SND1: variants seen among roughly 807,000 people sequenced by gnomAD.
SND1 encodes the protein staphylococcal nuclease and tudor domain containing 1.
Under a neutral mutation model 121.7 loss-of-function variants are expected in SND1, and 38 were observed. That is an observed-to-expected ratio of 0.31 (90% CI 0.24 to 0.41). The LOEUF (loss-of-function observed/expected upper bound fraction) is 0.41. SND1 is among the 10% of genes least tolerant of loss of function. The pLI is 1.00. For missense variants in SND1, 868 were observed against 1,184.6 expected (o/e 0.73, Z 3.92); for synonymous variants, 401 against 447.4 (o/e 0.90, Z 1.31).
chr7:128,040,801 C>T (rs1472484174), intron 16 of SND1, among the ~76,000 whole-genome samples: 2 of 152,336 alleles, frequency 1.3e-5, no homozygotes, highest in South Asian at 2.1e-4. Flanking sequence ...GCCACATTGG[C>T]GCTGCCTCCT....
In SND1 at chr7:127,770,971, A is replaced by G. The variant is rs189451650; in HGVS notation, c.1153-36513A>G. Among the ~76,000 whole-genome samples the G allele has an allele frequency of 6.5e-4, 99 of 152,248 alleles. 3 individuals are homozygous for G. In the East Asian group the frequency reaches 0.017, roughly 26 times the overall value. On this transcript the variant is annotated intron_variant, in intron 10 of 23. Coordinates refer to ENST00000354725, the MANE Select transcript of SND1 (RefSeq NM_014390.4). ...AGTTCTTTTTGGTAATGTTTTCTTT[A>G]TGAGTACACTGATATCTCGTTGGCT...
chr7:127,799,769 G>C (rs896311533), intron 10 of SND1, among the ~76,000 whole-genome samples: 1 of 152,184 alleles, frequency 6.6e-6, no homozygotes, highest in African/African-American at 2.4e-5. Flanking sequence ...TTACTTTTAA[G>C]AGGTATTTTG....
intron 3 of SND1, among the ~76,000 whole-genome samples, chr7:127,695,899 C>T (rs1371440913): frequency 1.3e-5 from 2 of 152,070 alleles, no homozygotes; most frequent in African/African-American, 4.8e-5. Context: ...ATAGCTGGGC[C>T]AGATGCTTCA....
chr7:127,997,348 G>A (rs188697672), intron 16 of SND1: 1 of 199,668 alleles, frequency 5.0e-6, no homozygotes, highest in African/African-American at 2.3e-5. Flanking sequence ...GTCCCACATT[G>A]ACTAAGAGTC....
rs577120443 is a variant in SND1, at chr7:127,773,467, T to A, written c.1153-34017T>A. ...ACTCCGTCTCAAAAAAAAAAAAAAA[T>A]TCTTATTAATGAGAAGGAGTCAGGT... On this transcript the variant is annotated intron_variant, in intron 10 of 23. Transcript: ENST00000354725. Among the ~76,000 whole-genome samples, 72 of 151,238 alleles carry A rather than the reference T, an allele frequency of 4.8e-4. 1 individual carries two copies. Among genetic ancestry groups the A allele is most frequent in the Admixed American group, 4.2e-3 (64 of 15,194 alleles).
intron 12 of SND1, among the ~76,000 whole-genome samples, chr7:127,857,359 ATTT>A (rs34235946): frequency 2.8e-4 from 32 of 113,104 alleles, no homozygotes; most frequent in South Asian, 3.1e-4. Flanking sequence ...CCCCCGGCTA[ATTT>A]TTTTTTTTTT....
At chr7:127,824,330 T>C (rs1422328959) in intron 11 of SND1, among the ~76,000 whole-genome samples, 1 of 152,246 alleles carries the variant, frequency 6.6e-6, no homozygotes, top group East Asian at 1.9e-4. Flanking sequence ...CAGTTGGTGC[T>C]TTGTTCTTGG....
chr7:127,868,776 A>T (rs1799523875), intron 12 of SND1, among the ~76,000 whole-genome samples: 1 of 152,226 alleles, frequency 6.6e-6, no homozygotes, highest in African/African-American at 2.4e-5. Context: ...ATTTGCATGT[A>T]ATCTCCAAAT....
chr7:128,064,459 G>A (rs1296672946), intron 16 of SND1, among the ~76,000 whole-genome samples: 3 of 152,224 alleles, frequency 2.0e-5, no homozygotes, highest in Non-Finnish European at 4.4e-5. Context: ...CATTTCTGAG[G>A]TAGAATCAGT....
At chr7:127,759,454 C>T (rs938490172) in intron 10 of SND1, among the ~76,000 whole-genome samples, 1 of 152,042 alleles carries the variant, frequency 6.6e-6, no homozygotes, top group Non-Finnish European at 1.5e-5. Context: ...TGATGTGTCC[C>T]CATCCTTCTT....
intron 10 of SND1, among the ~76,000 whole-genome samples, chr7:127,726,575 G>C (rs887778296): frequency 1.3e-5 from 2 of 152,198 alleles, no homozygotes. Flanking sequence ...CACATTTTGC[G>C]ATCTCAGGAC....
intron 9 of SND1, among the ~76,000 whole-genome samples, chr7:127,720,494 C>G (rs1232564903): frequency 2.6e-5 from 4 of 152,188 alleles, no homozygotes; most frequent in Non-Finnish European, 5.9e-5. Flanking sequence ...TGGTAAGATC[C>G]CAGTTTGAAT....
intron 12 of SND1, among the ~76,000 whole-genome samples, chr7:127,853,052 C>T (rs1374206042): frequency 6.6e-6 from 1 of 152,100 alleles, no homozygotes; most frequent in African/African-American, 2.4e-5. Context: ...AGTAGGGAGG[C>T]AGGTAGTATC....
chr7:127,752,361 A>G (rs551049947), intron 10 of SND1, among the ~76,000 whole-genome samples: 2 of 152,328 alleles, frequency 1.3e-5, no homozygotes, highest in South Asian at 4.1e-4. Context: ...CAGTTCAACA[A>G]AACACATTTA....
chr7:127,675,898 T>C (rs1055867722), intron 1 of SND1, among the ~76,000 whole-genome samples: 1 of 152,166 alleles, frequency 6.6e-6, no homozygotes, highest in Non-Finnish European at 1.5e-5. Flanking sequence ...ATCTCCCAGG[T>C]CCTTGGCAAC....
chr7:127,907,017 G>T (rs113193266), intron 14 of SND1, among the ~76,000 whole-genome samples: 220 of 152,194 alleles, frequency 1.4e-3, no homozygotes, highest in African/African-American at 4.7e-3. Context: ...GGATTGGTTT[G>T]CTCTTAAGTT....
chr7:128,085,112 T>TGGCTGGCC lies in SND1; in HGVS notation c.2234+269_2234+276dup, dbSNP rs1793667195. Among the ~76,000 whole-genome samples, 1 of 152,118 alleles carries TGGCTGGCC rather than the reference T, an allele frequency of 6.6e-6. No homozygotes were observed. Among genetic ancestry groups the TGGCTGGCC allele is most frequent in the Non-Finnish European group, 1.5e-5 (1 of 68,002 alleles). ...AGGGTGGGAGCCCTTGCTGGCTGGC[T>TGGCTGGCC]GGCTGGCCGGCCGGCCAGGCTGTCC... is the stretch of plus-strand genomic sequence containing the variant. On this transcript the variant is annotated intron_variant, in intron 19 of 23. Coordinates refer to ENST00000354725, the MANE Select transcript of SND1 (RefSeq NM_014390.4). This position sits in a 1 kb window ranked among gnomAD's most constrained non-coding sequence, Gnocchi z 4.4.
intron 1 of SND1, among the ~76,000 whole-genome samples, chr7:127,668,484 A>G (rs1175511349): frequency 6.6e-6 from 1 of 152,218 alleles, no homozygotes; most frequent in Non-Finnish European, 1.5e-5. Flanking sequence ...AAGGGCAAAG[A>G]CCATGTCTGT....
intron 12 of SND1, among the ~76,000 whole-genome samples, chr7:127,867,046 A>C (rs892794655): frequency 1.3e-5 from 2 of 152,102 alleles, no homozygotes; most frequent in Non-Finnish European, 2.9e-5. Flanking sequence ...ATTGTCCTTC[A>C]GTCTTCTATC....
Sources: allele counts gnomAD v4.1 joint callset (sites outside exome capture counted in the v4.1 genomes callset), GRCh38; gene constraint gnomAD v4.1.1; non-coding constraint Gnocchi (gnomAD v3.1); transcripts MANE v1.5; gene names NCBI Gene and HGNC (gene_info 2026-07-23, HGNC 2026-07-21).